Variants in UPP2 observed in about 807,000 individuals in gnomAD.
UPP2 encodes the protein uridine phosphorylase 2.
UPP2 carries 23 observed loss-of-function variants against 26.7 expected under a neutral mutation model. The ratio of observed to expected loss-of-function variants is 0.86; its 90% CI spans 0.62 to 1.22. UPP2 has a LOEUF of 1.22. Among genes scored for constraint, UPP2 ranks in the 50% most tolerant of loss-of-function variants. UPP2 has a pLI of 0.00. For missense variants in UPP2, 387 were observed against 396.7 expected (o/e 0.98, Z 0.21); for synonymous variants, 127 against 141.3 (o/e 0.90, Z 0.72).
intron 3 of UPP2, among the ~76,000 whole-genome samples, chr2:158,022,671 C>T (rs1683771303): frequency 6.6e-6 from 1 of 152,142 alleles, no homozygotes; most frequent in Admixed American, 6.5e-5. Flanking sequence ...CCATCTTCTC[C>T]CCAAAATGCT....
intron 2 of UPP2, among the ~76,000 whole-genome samples, chr2:158,010,954 C>T (rs1386435600): frequency 2.0e-5 from 3 of 151,924 alleles, no homozygotes; most frequent in African/African-American, 7.2e-5. Flanking sequence ...TTAGTAGAGA[C>T]GGGGTTTCTC....
chr2:158,108,320 A>G (rs1350106500), intron 2 of UPP2, among the ~76,000 whole-genome samples: 1 of 152,206 alleles, frequency 6.6e-6, no homozygotes, highest in Non-Finnish European at 1.5e-5. Context: ...ACATAGTGTT[A>G]TAACACATAT....
At chr2:158,042,071 C>T (rs76931321) in intron 3 of UPP2, among the ~76,000 whole-genome samples, 2,653 of 152,240 alleles carry the variant, frequency 0.017, 92 homozygotes, top group East Asian at 0.13. Context: ...TCAAGTAATG[C>T]TGCCTCACTT....
At chr2:158,040,754 A>G (rs1257007488) in intron 3 of UPP2, among the ~76,000 whole-genome samples, 1 of 152,226 alleles carries the variant, frequency 6.6e-6, no homozygotes, top group African/African-American at 2.4e-5. Context: ...TTAGCTCTCA[A>G]AACATTGGTT....
At chr2:158,114,602 C>T (rs905499966) in intron 2 of UPP2, among the ~76,000 whole-genome samples, 2 of 152,176 alleles carry the variant, frequency 1.3e-5, no homozygotes, top group Non-Finnish European at 2.9e-5. Context: ...AAAGTCTTGA[C>T]ATGATTCCTT....
At chr2:158,048,595 CT>C (rs956234292) in intron 3 of UPP2, among the ~76,000 whole-genome samples, 5 of 152,206 alleles carry the variant, frequency 3.3e-5, no homozygotes, top group Non-Finnish European at 7.3e-5. Context: ...CAGAATGAGA[CT>C]ATGTCTCAAA....
At chr2:158,009,190 T>G (rs1683539031) in intron 2 of UPP2, among the ~76,000 whole-genome samples, 4 of 152,108 alleles carry the variant, frequency 2.6e-5, no homozygotes, top group Non-Finnish European at 1.5e-5. Flanking sequence ...TCTGGCTAGA[T>G]TTTTTCAGGA....
At chr2:157,999,321 G>C (rs1683369919) in intron 2 of UPP2, among the ~76,000 whole-genome samples, 1 of 152,118 alleles carries the variant, frequency 6.6e-6, no homozygotes, top group Non-Finnish European at 1.5e-5. Context: ...TGGGATTACA[G>C]GTGCCTGCCA....
intron 3 of UPP2, among the ~76,000 whole-genome samples, chr2:158,089,147 G>T (rs1682865397): frequency 6.6e-6 from 1 of 152,054 alleles, no homozygotes; most frequent in African/African-American, 2.4e-5. Context: ...CTCCTTGTGG[G>T]GTCTTGCAGT....
At chr2:158,052,195 G>A (rs1682170446) in intron 3 of UPP2, among the ~76,000 whole-genome samples, 1 of 152,168 alleles carries the variant, frequency 6.6e-6, no homozygotes. Context: ...GTAACTCTAG[G>A]TAAGGGAATA....
intron 3 of UPP2, among the ~76,000 whole-genome samples, chr2:158,061,130 G>A (rs187321564): frequency 1.3e-5 from 2 of 152,240 alleles, no homozygotes; most frequent in Admixed American, 6.5e-5. Flanking sequence ...TTATAGCAAC[G>A]GGCCACAACC....
rs769166643 is a variant in UPP2 at position 158,106,083 on chromosome 2, T to A, written c.63-16T>A. ...AAAATTCTTTTATATCTTCTTTGTA[T>A]AATTTTTTTTTCCAGAAAAAGGTTT... On this transcript the variant is annotated splice_polypyrimidine_tract_variant and intron_variant, in intron 1 of 6. Coordinates refer to ENST00000005756, the MANE Select transcript of UPP2 (RefSeq NM_173355.4). 2.6e-6 allele frequency: 4 copies of A among 1,546,866 alleles called. No homozygotes were observed. Among genetic ancestry groups the A allele is most frequent in the Non-Finnish European group, 3.5e-6 (4 of 1,142,446 alleles).
In UPP2 at chr2:158,049,443, C is replaced by T. The variant is rs80110485; in HGVS notation, c.147+33557C>T. On this transcript the variant is annotated intron_variant, in intron 3 of 9. Coordinates refer to the UPP2 transcript ENST00000605860. ...AGCTGCAGTACAAACCAGAGGACAT[C>T]AGGTTTTGTTAAATGTTCTTTCCCT... Among the ~76,000 whole-genome samples the T allele has an allele frequency of 1.4e-3, 217 of 152,336 alleles. 1 individual carries two copies. Among genetic ancestry groups the T allele is most frequent in the African/African-American group, 4.7e-3 (197 of 41,584 alleles).
chr2:158,104,014 T>C (rs1013685540), intron 1 of UPP2, among the ~76,000 whole-genome samples: 2 of 152,200 alleles, frequency 1.3e-5, no homozygotes, highest in African/African-American at 2.4e-5. Context: ...ACTCTAGATG[T>C]TTTTGAGAAG....
At chr2:158,082,450 C>T (rs781140531) in intron 3 of UPP2, among the ~76,000 whole-genome samples, 30 of 152,138 alleles carry the variant, frequency 2.0e-4, no homozygotes, top group Non-Finnish European at 4.1e-4. Flanking sequence ...TGAGAATATA[C>T]AATGTGTGGT....
At chr2:158,095,997 A>G (rs909594949) in intron 3 of UPP2, among the ~76,000 whole-genome samples, 20 of 152,142 alleles carry the variant, frequency 1.3e-4, no homozygotes, top group African/African-American at 4.6e-4. Flanking sequence ...GAAACATCCT[A>G]AAAATTGAAG....
chr2:158,072,581 C>T (rs930329152), intron 3 of UPP2, among the ~76,000 whole-genome samples: 1 of 152,100 alleles, frequency 6.6e-6, no homozygotes, highest in Non-Finnish European at 1.5e-5. Flanking sequence ...TGGTGGTGGC[C>T]ACAGGGCTCC....
chr2:158,029,774 A>G (rs1053268771), intron 3 of UPP2, among the ~76,000 whole-genome samples: 3 of 151,726 alleles, frequency 2.0e-5, no homozygotes, highest in Admixed American at 2.0e-4. Flanking sequence ...GAAGTTTCTC[A>G]TATTCTAGGT....
At chr2:158,005,881 G>T (rs1397813286) in intron 2 of UPP2, among the ~76,000 whole-genome samples, 2 of 151,988 alleles carry the variant, frequency 1.3e-5, no homozygotes, top group African/African-American at 2.4e-5. Flanking sequence ...CTAGGCATCC[G>T]CAAGCCTCAG....
Sources: allele counts gnomAD v4.1 joint callset (sites outside exome capture counted in the v4.1 genomes callset), GRCh38; gene constraint gnomAD v4.1.1; transcripts MANE v1.5; gene names NCBI Gene and HGNC (gene_info 2026-07-23, HGNC 2026-07-21).